SLC2A9: variants seen among roughly 807,000 people sequenced by gnomAD.
The protein encoded by SLC2A9 is solute carrier family 2, facilitated glucose transporter member 9.
Under a neutral mutation model 50.6 loss-of-function variants are expected in SLC2A9, and 39 were observed. The observed-to-expected ratio is 0.77, with a 90% CI of 0.60 to 1.01. The LOEUF is 1.01. SLC2A9 is among the 50% of genes least tolerant of loss of function. The probability of loss-of-function intolerance (pLI) is 0.00; values close to 1 mark genes in which losing one functional copy is unlikely to be tolerated. For missense variants in SLC2A9, 686 were observed against 677.6 expected, an observed-to-expected ratio of 1.01 and a Z score of -0.14; for synonymous variants, 324 against 276.9, an observed-to-expected ratio of 1.17 and a Z score of -1.69.
At chr4:9,773,391 T>A (rs530679159) in intron 1 of SLC2A9, among the ~76,000 whole-genome samples, 1 of 152,338 alleles carries the variant, frequency 6.6e-6, no homozygotes, top group African/African-American at 2.4e-5. Context: ...GTTGAGTCTT[T>A]TGATATCAGC....
intron 8 of SLC2A9, among the ~76,000 whole-genome samples, chr4:9,896,002 T>C (rs1738485124): frequency 6.6e-6 from 1 of 152,262 alleles, no homozygotes; most frequent in African/African-American, 2.4e-5. Context: ...TACCAAAATT[T>C]GTTTCTCCAT....
At chr4:9,843,420 CA>C (rs2109238477) in intron 10 of SLC2A9, among the ~76,000 whole-genome samples, 1 of 152,120 alleles carries the variant, frequency 6.6e-6, no homozygotes, top group East Asian at 1.9e-4. Context: ...GTGGAGGTCC[CA>C]CACTCTAATT....
At chr4:9,835,705 G>C (rs567837112) in intron 10 of SLC2A9, among the ~76,000 whole-genome samples, 7 of 152,190 alleles carry the variant, frequency 4.6e-5, no homozygotes, top group Admixed American at 3.3e-4. Context: ...TCATTAAAAT[G>C]GGAGTGAGTC....
At chr4:9,893,073 C>G (rs1405788789) in intron 8 of SLC2A9, among the ~76,000 whole-genome samples, 2 of 152,132 alleles carry the variant, frequency 1.3e-5, no homozygotes, top group Admixed American at 6.5e-5. Context: ...GCTGGGATCA[C>G]CTACAAAATC....
chr4:9,851,706 A>T (rs1390874164), intron 10 of SLC2A9, among the ~76,000 whole-genome samples: 1 of 146,482 alleles, frequency 6.8e-6, no homozygotes, highest in Non-Finnish European at 1.5e-5. Context: ...GAAAGACGAA[A>T]TGGCCATTTT....
intron 3 of SLC2A9, among the ~76,000 whole-genome samples, chr4:9,820,462 T>C (rs1365946047): frequency 4.6e-5 from 7 of 152,260 alleles, no homozygotes; most frequent in Admixed American, 3.3e-4. Flanking sequence ...AATAAGCTTG[T>C]TAATTTCTAT....
intron 1 of SLC2A9, among the ~76,000 whole-genome samples, chr4:10,028,208 A>G (rs1278008762): frequency 6.6e-6 from 1 of 152,204 alleles, no homozygotes; most frequent in Non-Finnish European, 1.5e-5. Context: ...AAGCAATTTC[A>G]TGGTGGGTCA....
chr4:9,891,132 G>A (rs187527235), intron 8 of SLC2A9, among the ~76,000 whole-genome samples: 1 of 152,292 alleles, frequency 6.6e-6, no homozygotes, highest in African/African-American at 2.4e-5. Context: ...GCACAGGGGT[G>A]GGAGTAGGCA....
At position 9,980,707 on chromosome 4, in the gene SLC2A9, A is replaced by C. The variant is rs1156311365; in HGVS notation, c.566T>G (p.Leu189Arg). 1.2e-5 allele frequency: 19 copies of C among 1,614,026 alleles called. No homozygotes were observed. Among genetic ancestry groups the C allele is most frequent in the Admixed American group, 1.7e-5 (1 of 60,004 alleles). The part of the protein sequence containing the change: ...GVALSVLPMY[L>R]SEISPKEIRG... ...GATCTCCTTGGGTGAGATCTCACTAAGGTACATGGGGAGCACACTGAGGGC... is the reference window on the plus strand; with the variant it reads ...GATCTCCTTGGGTGAGATCTCACTACGGTACATGGGGAGCACACTGAGGGC... Residue 189 changes from leucine (L) to arginine (R), a missense_variant, in exon 5 of 12, where the codon CTT becomes CGT. Transcript: ENST00000264784.
At position 9,920,504 on chromosome 4, in the gene SLC2A9, C is replaced by A. The variant is rs75088806; in HGVS notation, c.883G>T (p.Val295Leu). ...EVEEVLAESR[V>L]QRSIRLVSVL... ...GACACCAGGCGGATGCTCCTCTGCA[C>A]GCGGCTCTCAGCCAGGACCTCCTCT... The change falls in exon 7 of 12, where the codon GTG becomes TTG. Residue 295 changes from valine to leucine, a missense_variant. Transcript: ENST00000264784. The A allele has an allele frequency of 3.1e-6, 5 of 1,614,176 alleles. No individual in the cohort carries two copies. The highest frequency in any genetic ancestry group is 4.2e-6 in the Non-Finnish European group (5 of 1,180,042).
At chr4:10,034,126 T>A (rs1204373443) in intron 1 of SLC2A9, 3 of 152,242 alleles carry the variant, frequency 2.0e-5, no homozygotes, top group Admixed American at 6.5e-5. Context: ...CTTGGGGGAA[T>A]CAAAAGAAGA....
intron 8 of SLC2A9, among the ~76,000 whole-genome samples, chr4:9,899,856 G>C (rs1476752953): frequency 6.6e-6 from 1 of 152,194 alleles, no homozygotes; most frequent in Non-Finnish European, 1.5e-5. Flanking sequence ...GCTGGCAGCA[G>C]ACAGGCTTTT....
At chr4:9,908,196 C>A in intron 8 of SLC2A9, 39 bp downstream of exon 8, 1 of 1,366,692 alleles carries the variant, frequency 7.3e-7, no homozygotes, top group Non-Finnish European at 1.0e-6. Flanking sequence ...CTGTGTAACC[C>A]CCTGTGGCAT....
chr4:9,808,868 C>A lies in SLC2A9; in HGVS notation n.421-9627G>T, dbSNP rs545081197. On this transcript the variant is annotated intron_variant and non_coding_transcript_variant, in intron 3 of 3. Coordinates refer to the SLC2A9 transcript ENST00000503280. ...CACAACTCCAGGGGCACCATTCACA[C>A]AAAAGAAGGTACAAAAGAAGGTGCA... is the stretch of plus-strand genomic sequence containing the variant. Among the ~76,000 whole-genome samples, 17 of 152,272 alleles carry A rather than the reference C, an allele frequency of 1.1e-4. No individual in the cohort carries two copies. The South Asian group carries it at 3.5e-3, about 32-fold the overall frequency.
At chr4:9,923,483 C>G (rs1034034718) in intron 6 of SLC2A9, among the ~76,000 whole-genome samples, 1 of 152,138 alleles carries the variant, frequency 6.6e-6, no homozygotes, top group Non-Finnish European at 1.5e-5. Flanking sequence ...TGCTGGCACC[C>G]AGAGAAAGAG....
chr4:9,902,520 G>A lies in SLC2A9; in HGVS notation c.1113+5715C>T, dbSNP rs764296364. ...CGTGATAAGGTCCCACAGACAGAGC[G>A]GCTTCAGCAATAGAAACGTGTTGTC... On this transcript the variant is annotated intron_variant, in intron 8 of 11. Transcript: ENST00000264784. Among the ~76,000 whole-genome samples, 130 of 152,318 alleles carry A rather than the reference G, an allele frequency of 8.5e-4. 1 individual carries two copies. The highest frequency in any genetic ancestry group is 2.0e-3 in the Admixed American group (30 of 15,302).
intron 3 of SLC2A9, chr4:9,781,825 C>G (rs1451226625): frequency 2.2e-6 from 1 of 444,638 alleles, no homozygotes. Flanking sequence ...GGGCGCACCA[C>G]GGCCATGGAG....
rs1716790685 is a variant in SLC2A9 at position 9,771,377 on chromosome 4, A to G, written n.182-8T>C. On this transcript the variant is annotated splice_polypyrimidine_tract_variant and splice_region_variant and intron_variant and non_coding_transcript_variant, in intron 1 of 1. Coordinates refer to the SLC2A9 transcript ENST00000508585. ...CTTCTTGACATGAGGTCACTGCAGA[A>G]GGAGAGAGGGTGTAGAGTCATGCCA... 2.3e-5 allele frequency: 9 copies of G among 397,034 alleles called. No individual in the cohort carries two copies. In the South Asian group the frequency reaches 1.2e-3, roughly 51 times the overall value. The allele number at this position is 397,034 out of a possible 1,614,324, so 24.6% of individuals were successfully genotyped here.
At chr4:9,928,847 TTTCA>T (rs1745382645) in intron 6 of SLC2A9, among the ~76,000 whole-genome samples, 1 of 152,184 alleles carries the variant, frequency 6.6e-6, no homozygotes, top group Non-Finnish European at 1.5e-5. Flanking sequence ...GAATGAAAAG[TTTCA>T]GTAGGTTTTG....
Sources: gnomAD v4.1 joint callset for allele counts (sites outside exome capture counted in the v4.1 genomes callset) on GRCh38, gnomAD v4.1.1 for gene constraint, MANE v1.5 for transcripts, NCBI Gene and HGNC (gene_info 2026-07-23, HGNC 2026-07-21) for gene names.